Variants in C11orf87 observed in about 807,000 individuals in gnomAD.
C11orf87 encodes uncharacterized protein C11orf87.
C11orf87 carries 3 observed loss-of-function variants against 9.2 expected under a neutral mutation model. The ratio of observed to expected loss-of-function variants is 0.33; its 90% CI spans 0.15 to 0.84. The LOEUF is 0.84. Among genes scored for constraint, C11orf87 ranks in the 40% least tolerant of loss-of-function variants. The pLI, the probability that C11orf87 is intolerant of heterozygous loss-of-function variation, is 0.55. For synonymous variants in C11orf87, 124 were observed against 124.6 expected, an observed-to-expected ratio of 1.00 and a Z score of 0.03; for missense variants, 256 against 270.7, an observed-to-expected ratio of 0.95 and a Z score of 0.38.
rs548509814 is a variant in C11orf87 at position 109,423,237 on chromosome 11, T to C, written c.-259-138T>C. 4.1e-6 allele frequency: 1 copy of C among 245,980 alleles called. No homozygotes were observed. The highest frequency in any genetic ancestry group is 1.2e-4 in the East Asian group (1 of 8,020). 15.2% of individuals were successfully genotyped at this position (245,980 alleles called of 1,614,324 possible). On this transcript the variant is annotated intron_variant, in intron 1 of 1. Coordinates refer to ENST00000327419, the MANE Select transcript of C11orf87 (RefSeq NM_207645.4). The surrounding 1 kb of genome is among the most constrained non-coding windows in gnomAD (Gnocchi z 5.3). ...ACGGCCACGGGCCGGCAGGCTGGGGTCCGCTGACCGAAAATACAGGCAGCG... is the reference window on the plus strand; with the variant it reads ...ACGGCCACGGGCCGGCAGGCTGGGGCCCGCTGACCGAAAATACAGGCAGCG...
At position 109,423,727 on chromosome 11, in the gene C11orf87, A is replaced by C. The variant is rs748912742; in HGVS notation, c.94A>C (p.Asn32His). ...TTCCCCCAACGCCAGCGGCAGCGGC[A>C]ACACGGGTGCCCGCGGCCCAGGCGC... ...FASPNASGSG[N>H]TGARGPGAVG... The change falls in exon 2 of 2, where the codon AAC (asparagine) becomes CAC (histidine). Residue 32 changes from asparagine to histidine, a missense_variant. Physicochemically the swap from Asn to His is moderately conservative, Grantham distance 68. Transcript: ENST00000327419. The surrounding 1 kb of genome is among the most constrained non-coding windows in gnomAD (Gnocchi z 5.3). 5.6e-6 allele frequency: 9 copies of C among 1,613,686 alleles called. No individual in the cohort carries two copies. In the East Asian group the frequency reaches 2.0e-4, roughly 36 times the overall value.
Position 109,423,806 on chromosome 11 carries a change from TCTC to T in C11orf87, c.178_180del (p.Ser60del), listed in dbSNP as rs780305990. 2.5e-6 allele frequency: 4 copies of T among 1,613,946 alleles called. No individual in the cohort carries two copies. Among genetic ancestry groups the T allele is most frequent in the East Asian group, 2.2e-5 (1 of 44,868 alleles). On this transcript the variant is annotated inframe_deletion, in exon 2 of 2. Coordinates refer to ENST00000327419, the MANE Select transcript of C11orf87 (RefSeq NM_207645.4). This position sits in a 1 kb window ranked among gnomAD's most constrained non-coding sequence, Gnocchi z 5.3. Reference sequence around the variant, plus strand: ...GTGGGACAGCAGCTCTTCCAGTCCTTCTCCTCCACGCTGGTGCTGATTGTCCTG... The same window carrying T: ...GTGGGACAGCAGCTCTTCCAGTCCTTCTCCACGCTGGTGCTGATTGTCCTG...
rs746386515 is a variant in C11orf87 at position 109,423,630 on chromosome 11, G to A, written c.-4G>A. 2 of 1,592,866 alleles carry A rather than the reference G, an allele frequency of 1.3e-6. No individual in the cohort carries two copies. The highest frequency in any genetic ancestry group is 1.7e-6 in the Non-Finnish European group (2 of 1,176,522). ...TGGGCCTGGCCCCTCCCAGCCCCGC[G>A]CCAATGAGTGCCAGGGCGCCGAAGG... is the stretch of plus-strand genomic sequence containing the variant. On this transcript the variant is annotated 5_prime_UTR_variant, in exon 2 of 2. Coordinates refer to ENST00000327419, the MANE Select transcript of C11orf87 (RefSeq NM_207645.4). The surrounding 1 kb of genome is among the most constrained non-coding windows in gnomAD (Gnocchi z 5.3).
rs1860516011 is a variant in C11orf87 at position 109,423,085 on chromosome 11, GC to G, written c.-259-289del. ...CAACCAAAGCGGCTGCGTGTCTGTT[GC>G]AATTATAAAGTTGTGAAGGGCGGAA... On this transcript the variant is annotated intron_variant, in intron 1 of 1. Transcript: ENST00000327419. The surrounding 1 kb of genome is among the most constrained non-coding windows in gnomAD (Gnocchi z 5.3). 6.6e-6 allele frequency among the ~76,000 whole-genome samples: 1 copy of G among 152,154 alleles called. No individual in the cohort carries two copies. The highest frequency in any genetic ancestry group is 1.5e-5 in the Non-Finnish European group (1 of 68,022).
Position 109,422,192 on chromosome 11 carries a change from T to G in C11orf87, c.-331T>G, listed in dbSNP as rs1860499125. 2 of 217,198 alleles carry G rather than the reference T, an allele frequency of 9.2e-6. No individual in the cohort carries two copies. The highest frequency in any genetic ancestry group is 1.1e-4 in the South Asian group (2 of 18,634). 13.5% of individuals were successfully genotyped at this position (217,198 alleles called of 1,614,324 possible). ...GCGGCTCGGTCTCTGGTCCATTCACTCCACGCTTTCTGCAGCCGCCACTGC... is the reference window on the plus strand; with the variant it reads ...GCGGCTCGGTCTCTGGTCCATTCACGCCACGCTTTCTGCAGCCGCCACTGC... On this transcript the variant is annotated 5_prime_UTR_variant, in exon 1 of 2. Coordinates refer to ENST00000327419, the MANE Select transcript of C11orf87 (RefSeq NM_207645.4).
Position 109,423,379 on chromosome 11 carries a change from G to T in C11orf87, c.-255G>T, listed in dbSNP as rs896146095. The T allele has an allele frequency of 7.2e-6, 4 of 557,778 alleles. No homozygotes were observed. In the African/African-American group the frequency reaches 7.7e-5, roughly 11 times the overall value. 34.6% of individuals were successfully genotyped at this position (557,778 alleles called of 1,614,324 possible). ...CTAAGCTTTGTGTCTTTGCAGCCTG[G>T]TGCCTCTGCAAAGGAAAGGGGAGCG... is the stretch of plus-strand genomic sequence containing the variant. On this transcript the variant is annotated 5_prime_UTR_variant, in exon 2 of 2. Transcript: ENST00000327419. The surrounding 1 kb of genome is among the most constrained non-coding windows in gnomAD (Gnocchi z 5.3).
Position 109,424,282 on chromosome 11 carries a change from CT to C in C11orf87, c.*61del, listed in dbSNP as rs1565250661. The stretch of plus-strand genomic sequence containing the variant: ...GTTTCCAGCATCTTTGCCACCCTTG[CT>C]TTTTTCCTTCTTCCTTCCTTTTCCA... On this transcript the variant is annotated 3_prime_UTR_variant, in exon 2 of 2. Transcript: ENST00000327419. This position sits in a 1 kb window ranked among gnomAD's most constrained non-coding sequence, Gnocchi z 4.7. The C allele has an allele frequency of 7.0e-7, 1 of 1,419,378 alleles. No individual in the cohort carries two copies. Among genetic ancestry groups the C allele is most frequent in the Non-Finnish European group, 9.7e-7 (1 of 1,027,582 alleles). The allele number at this position is 1,419,378 out of a possible 1,614,324, so 87.9% of individuals were successfully genotyped here.
rs1591273949 is a variant in C11orf87, at chr11:109,423,418, G to T, written c.-216G>T. 3.4e-6 allele frequency: 2 copies of T among 584,570 alleles called. No individual in the cohort carries two copies. The highest frequency in any genetic ancestry group is 3.2e-5 in the Admixed American group (1 of 31,646). The allele number at this position is 584,570 out of a possible 1,614,324, so 36.2% of individuals were successfully genotyped here. Reference sequence around the variant, plus strand: ...GAAAGGGGAGCGTGGAGACGTGTTCGAGGTGGTATCGGCGAGGATCTCTCG... The same window carrying T: ...GAAAGGGGAGCGTGGAGACGTGTTCTAGGTGGTATCGGCGAGGATCTCTCG... On this transcript the variant is annotated 5_prime_UTR_variant, in exon 2 of 2. Transcript: ENST00000327419. The surrounding 1 kb of genome is among the most constrained non-coding windows in gnomAD (Gnocchi z 5.3).
rs1266587851 is a variant in C11orf87 at position 109,428,354 on chromosome 11, T to A, written c.*4127T>A. The A allele has an allele frequency of 6.6e-6, 1 of 152,190 alleles. No homozygotes were observed. The highest frequency in any genetic ancestry group is 1.5e-5 in the Non-Finnish European group (1 of 67,994). 9.4% of individuals were successfully genotyped at this position (152,190 alleles called of 1,614,324 possible). On this transcript the variant is annotated 3_prime_UTR_variant, in exon 2 of 2. Transcript: ENST00000327419. The stretch of plus-strand genomic sequence containing the variant: ...ATGGATAAATTAGCTTTAAGAAACT[T>A]CTTTGACATCTGACTTTTCCACCAT...
Position 109,423,516 on chromosome 11 carries a change from C to A in C11orf87, c.-118C>A. 1 of 1,071,040 alleles carries A rather than the reference C, an allele frequency of 9.3e-7. No homozygotes were observed. The highest frequency in any genetic ancestry group is 1.3e-6 in the Non-Finnish European group (1 of 762,960). 66.3% of individuals were successfully genotyped at this position (1,071,040 alleles called of 1,614,324 possible). A position where few individuals can be genotyped will look rare whatever the true frequency, so the allele number is the denominator to read the frequency against. ...TAGTCCTTGGCTCGCTCGCACACCC[C>A]CTCCCGCTACAGGGAGCAGTTTTGG... On this transcript the variant is annotated 5_prime_UTR_variant, in exon 2 of 2. Coordinates refer to ENST00000327419, the MANE Select transcript of C11orf87 (RefSeq NM_207645.4). This position sits in a 1 kb window ranked among gnomAD's most constrained non-coding sequence, Gnocchi z 5.3.
Position 109,427,114 on chromosome 11 carries a change from A to G in C11orf87, c.*2887A>G, listed in dbSNP as rs1860582900. The G allele has an allele frequency of 6.6e-6, 1 of 152,210 alleles. No individual in the cohort carries two copies. Among genetic ancestry groups the G allele is most frequent in the Non-Finnish European group, 1.5e-5 (1 of 68,038 alleles). The allele number at this position is 152,210 out of a possible 1,614,324, so 9.4% of individuals were successfully genotyped here. ...ACATCATTTCTCCCCAAAGGAATGC[A>G]AGGAGCAAGAGAAATAAAAGCATTA... On this transcript the variant is annotated 3_prime_UTR_variant, in exon 2 of 2. Coordinates refer to ENST00000327419, the MANE Select transcript of C11orf87 (RefSeq NM_207645.4).
rs1860583208 is a variant in C11orf87, at chr11:109,427,133, A to C, written c.*2906A>C. On this transcript the variant is annotated 3_prime_UTR_variant, in exon 2 of 2. Transcript: ENST00000327419. ...GAATGCAAGGAGCAAGAGAAATAAA[A>C]GCATTATGTATATTGTAAAACAAAT... The C allele has an allele frequency of 6.6e-6, 1 of 152,220 alleles. No individual in the cohort carries two copies. The highest frequency in any genetic ancestry group is 3.2e-3 in the Middle Eastern group (1 of 316). 9.4% of individuals were successfully genotyped at this position (152,220 alleles called of 1,614,324 possible).
chr11:109,424,973 T>G lies in C11orf87; in HGVS notation c.*746T>G, dbSNP rs952628837. On this transcript the variant is annotated 3_prime_UTR_variant, in exon 2 of 2. Coordinates refer to ENST00000327419, the MANE Select transcript of C11orf87 (RefSeq NM_207645.4). The surrounding 1 kb of genome is among the most constrained non-coding windows in gnomAD (Gnocchi z 4.7). ...ATGACCCTCGCTGGCCGAGCATAAG[T>G]ACGTTAAAATCTTTAAATGAGTTTT... The G allele has an allele frequency of 6.0e-6, 1 of 167,112 alleles. No individual in the cohort carries two copies. Among genetic ancestry groups the G allele is most frequent in the African/African-American group, 2.4e-5 (1 of 41,450 alleles). The allele number at this position is 167,112 out of a possible 1,614,324, so 10.4% of individuals were successfully genotyped here.
Position 109,428,909 on chromosome 11 carries a change from C to T in C11orf87, c.*4682C>T, listed in dbSNP as rs1860606100. The T allele has an allele frequency of 6.6e-6, 1 of 152,134 alleles. No homozygotes were observed. Among genetic ancestry groups the T allele is most frequent in the Admixed American group, 6.5e-5 (1 of 15,274 alleles). 9.4% of individuals were successfully genotyped at this position (152,134 alleles called of 1,614,324 possible). A position where few individuals can be genotyped will look rare whatever the true frequency, so the allele number is the denominator to read the frequency against. ...AATGACTTATCAAGGAGGTCCTACCCATTTGTGGTAGGGATATTTCCCTTA... is the reference window on the plus strand; with the variant it reads ...AATGACTTATCAAGGAGGTCCTACCTATTTGTGGTAGGGATATTTCCCTTA... On this transcript the variant is annotated 3_prime_UTR_variant, in exon 2 of 2. Coordinates refer to ENST00000327419, the MANE Select transcript of C11orf87 (RefSeq NM_207645.4).
rs1860579364 is a variant in C11orf87, at chr11:109,426,877, G to C, written c.*2650G>C. On this transcript the variant is annotated 3_prime_UTR_variant, in exon 2 of 2. Coordinates refer to ENST00000327419, the MANE Select transcript of C11orf87 (RefSeq NM_207645.4). ...GGATATTACTTTCTTTCCCTTATTT[G>C]GTGCACTTTCTACAGCGAATAATTT... The C allele has an allele frequency of 6.6e-6, 1 of 152,040 alleles. No individual in the cohort carries two copies. Among genetic ancestry groups the C allele is most frequent in the African/African-American group, 2.4e-5 (1 of 41,404 alleles). The allele number at this position is 152,040 out of a possible 1,614,324, so 9.4% of individuals were successfully genotyped here. A position where few individuals can be genotyped will look rare whatever the true frequency, so the allele number is the denominator to read the frequency against.
chr11:109,424,609 A>C lies in C11orf87; in HGVS notation c.*382A>C. On this transcript the variant is annotated 3_prime_UTR_variant, in exon 2 of 2. Coordinates refer to ENST00000327419, the MANE Select transcript of C11orf87 (RefSeq NM_207645.4). The surrounding 1 kb of genome is among the most constrained non-coding windows in gnomAD (Gnocchi z 4.7). ...GGAGAAACCGCACAAGCTACCAAATATATAAAAGGCATTGATTCCCGGAGC... is the reference window on the plus strand; with the variant it reads ...GGAGAAACCGCACAAGCTACCAAATCTATAAAAGGCATTGATTCCCGGAGC... 1 of 167,982 alleles carries C rather than the reference A, an allele frequency of 6.0e-6. No individual in the cohort carries two copies. The highest frequency in any genetic ancestry group is 1.5e-5 in the Non-Finnish European group (1 of 68,780). 10.4% of individuals were successfully genotyped at this position (167,982 alleles called of 1,614,324 possible). A position where few individuals can be genotyped will look rare whatever the true frequency, so the allele number is the denominator to read the frequency against.
In C11orf87 at chr11:109,428,234, T is replaced by C. The variant is rs971917417; in HGVS notation, c.*4007T>C. ...TGATTTTTTTCATTTTCAACCTATATGTTGTGTAGAAATACAATTTATATC... is the reference window on the plus strand; with the variant it reads ...TGATTTTTTTCATTTTCAACCTATACGTTGTGTAGAAATACAATTTATATC... On this transcript the variant is annotated 3_prime_UTR_variant, in exon 2 of 2. Transcript: ENST00000327419. 1 of 152,088 alleles carries C rather than the reference T, an allele frequency of 6.6e-6. No individual in the cohort carries two copies. The highest frequency in any genetic ancestry group is 1.5e-5 in the Non-Finnish European group (1 of 67,964). 9.4% of individuals were successfully genotyped at this position (152,088 alleles called of 1,614,324 possible). A position where few individuals can be genotyped will look rare whatever the true frequency, so the allele number is the denominator to read the frequency against.
chr11:109,428,988 G>C lies in C11orf87; in HGVS notation c.*4761G>C, dbSNP rs368358550. 6.6e-6 allele frequency: 1 copy of C among 152,074 alleles called. No homozygotes were observed. The highest frequency in any genetic ancestry group is 1.9e-4 in the East Asian group (1 of 5,198). The allele number at this position is 152,074 out of a possible 1,614,324, so 9.4% of individuals were successfully genotyped here. On this transcript the variant is annotated 3_prime_UTR_variant, in exon 2 of 2. Transcript: ENST00000327419. ...TAGAGAGATGAACAGCAACAACAGT[G>C]ACAATGATGACAACAGAAAAACTGA...
At chr11:109,422,759 G>C (rs1396248813) in intron 1 of C11orf87, among the ~76,000 whole-genome samples, 1 of 139,350 alleles carries the variant, frequency 7.2e-6, no homozygotes, top group African/African-American at 2.8e-5. Context: ...GGAGAGGGGA[G>C]AATACCAGGG....
Sources: allele counts gnomAD v4.1 joint callset (sites outside exome capture counted in the v4.1 genomes callset), GRCh38; gene constraint gnomAD v4.1.1; non-coding constraint Gnocchi (gnomAD v3.1); transcripts MANE v1.5; gene names NCBI Gene and HGNC (gene_info 2026-07-23, HGNC 2026-07-21).